The following DTNA variants were observed in gnomAD, a reference collection of about 807,000 sequenced individuals.
DTNA encodes the protein dystrophin-related protein 3.
In DTNA, 43 loss-of-function variants were observed where a neutral mutation model predicts 100.7. The ratio of observed to expected loss-of-function variants is 0.43; its 90% confidence interval spans 0.33 to 0.55. The LOEUF (loss-of-function observed/expected upper bound fraction) is 0.55. Ranked by LOEUF, DTNA falls within the 20% of genes least tolerant of loss-of-function variation. The pLI is 0.04. For missense variants in DTNA, 798 were observed against 953.9 expected (o/e 0.84, Z 2.15); for synonymous variants, 349 against 347.9 (o/e 1.00, Z -0.04).
At chr18:34,781,524 C>T (rs2094322189) in intron 3 of DTNA, among the ~76,000 whole-genome samples, 1 of 152,020 alleles carries the variant, frequency 6.6e-6, no homozygotes, top group South Asian at 2.1e-4. Flanking sequence ...AAGATACACT[C>T]CTCATGTTCT....
chr18:34,581,118 G>T (rs747998088), intron 1 of DTNA, among the ~76,000 whole-genome samples: 1 of 152,104 alleles, frequency 6.6e-6, no homozygotes, highest in Admixed American at 6.5e-5. Context: ...GTGTGGTGGC[G>T]TGCGCCTGTA....
chr18:34,732,167 C>T (rs1033508728), intron 1 of DTNA, among the ~76,000 whole-genome samples: 3 of 152,170 alleles, frequency 2.0e-5, no homozygotes, highest in African/African-American at 7.2e-5. Flanking sequence ...GTGAAACCTA[C>T]CTTACCCATA....
chr18:34,523,860 T>A (rs182046254), intron 1 of DTNA, among the ~76,000 whole-genome samples: 1 of 152,326 alleles, frequency 6.6e-6, no homozygotes, highest in Admixed American at 6.5e-5. Flanking sequence ...CTTTCTATTT[T>A]TGATTTTGCT....
rs548001235 is a variant in DTNA, at chr18:34,532,169, A to C, written c.-2+38655A>C. 3.3e-5 allele frequency among the ~76,000 whole-genome samples: 5 copies of C among 152,284 alleles called. No homozygotes were observed. In the East Asian group the frequency reaches 9.7e-4, roughly 30 times the overall value. ...ATGGGAGAGAAAGATGTATGCATAG[A>C]TTAGTTTAAAACAGGGCACACTGGT... On this transcript the variant is annotated intron_variant, in intron 1 of 19. Coordinates refer to the DTNA transcript ENST00000283365.
chr18:34,838,352 A>C (rs556372632), intron 12 of DTNA, among the ~76,000 whole-genome samples, 181 bp downstream of exon 12: 1 of 152,292 alleles, frequency 6.6e-6, no homozygotes, highest in African/African-American at 2.4e-5. Flanking sequence ...GTTGTTATTC[A>C]CTTTCCCGAA....
At chr18:34,877,242 G>A (rs577344579) in intron 18 of DTNA, among the ~76,000 whole-genome samples, 2 of 152,292 alleles carry the variant, frequency 1.3e-5, no homozygotes, top group East Asian at 1.9e-4. Context: ...AGGAGACAGC[G>A]CATGTCCTAG....
intron 5 of DTNA, among the ~76,000 whole-genome samples, 160 bp downstream of exon 5, chr18:34,806,464 C>T (rs192732770): frequency 3.9e-5 from 6 of 152,184 alleles, no homozygotes; most frequent in East Asian, 1.9e-4. Context: ...TTTGTCATAG[C>T]GATATTTTCA....
intron 20 of DTNA, 139 bp downstream of exon 20, chr18:34,879,858 T>A: frequency 9.2e-7 from 1 of 1,082,026 alleles, no homozygotes; most frequent in Non-Finnish European, 1.3e-6. Context: ...GCCAGAGATA[T>A]AGAAGGGTGC....
At chr18:34,568,202 G>A (rs527895088) in intron 1 of DTNA, among the ~76,000 whole-genome samples, 1 of 152,126 alleles carries the variant, frequency 6.6e-6, no homozygotes, top group East Asian at 1.9e-4. Flanking sequence ...GTTTATCTAT[G>A]ATAAGTCAAG....
chr18:34,524,448 T>C (rs911882062), intron 1 of DTNA, among the ~76,000 whole-genome samples: 3 of 152,152 alleles, frequency 2.0e-5, no homozygotes, highest in Non-Finnish European at 4.4e-5. Context: ...TTTTCCAGTC[T>C]TGAGAACCAA....
intron 1 of DTNA, among the ~76,000 whole-genome samples, chr18:34,695,066 A>G (rs2145964255): frequency 6.6e-6 from 1 of 152,294 alleles, no homozygotes; most frequent in East Asian, 1.9e-4. Context: ...ATTTGCAGAC[A>G]TTAAGTACAA....
rs12605993 is a variant in DTNA, at chr18:34,738,147, C to G, written c.-1-17829C>G. On this transcript the variant is annotated intron_variant, in intron 1 of 22. Coordinates refer to ENST00000444659, the MANE Select transcript of DTNA (RefSeq NM_001386795.1). ...GCCCTGAGGCACATATGAGTGAACA[C>G]AGAGACATGGGCCTGGGGGCCAGGT... 4.8e-3 allele frequency among the ~76,000 whole-genome samples: 725 copies of G among 152,206 alleles called. 18 individuals carry two copies. The highest frequency in any genetic ancestry group is 0.038 in the Admixed American group (584 of 15,288).
chr18:34,818,284 G>A lies in DTNA; in HGVS notation c.830G>A (p.Gly277Asp). 1 of 1,614,056 alleles carries A rather than the reference G, an allele frequency of 6.2e-7. No individual in the cohort carries two copies. The highest frequency in any genetic ancestry group is 8.5e-7 in the Non-Finnish European group (1 of 1,179,966). The change falls in exon 8 of 23, where the codon GGT becomes GAT. Residue 277 changes from glycine (G) to aspartate (D), a missense_variant. By Grantham distance (94) the Gly-to-Asp change is moderately conservative. This residue lies in a region of DTNA where 81 missense variants were observed against 153.5 expected (regional missense o/e 0.53). Coordinates refer to ENST00000444659, the MANE Select transcript of DTNA (RefSeq NM_001386795.1). Reference protein sequence around the residue: ...CQDCFWRGHAGGSHSNQHQMK... With the variant: ...CQDCFWRGHADGSHSNQHQMK... ...GACTGCTTCTGGAGGGGACATGCCG[G>A]TGGTTCTCATAGCAACCAGCACCAA...
At chr18:34,766,176 G>T in intron 3 of DTNA, 135 bp downstream of exon 3, 1 of 1,028,154 alleles carries the variant, frequency 9.7e-7, no homozygotes. Context: ...AATAAAAGGG[G>T]TATTATGAGG....
At chr18:34,753,604 G>A (rs1212466426) in intron 1 of DTNA, among the ~76,000 whole-genome samples, 4 of 140,840 alleles carry the variant, frequency 2.8e-5, no homozygotes, top group Non-Finnish European at 3.0e-5. Context: ...GGATGGTCTC[G>A]ATCTCCTGAC....
At chr18:34,797,622 T>C (rs1429314203) in intron 4 of DTNA, among the ~76,000 whole-genome samples, 1 of 152,234 alleles carries the variant, frequency 6.6e-6, no homozygotes, top group African/African-American at 2.4e-5. Context: ...TTGTTCTTAT[T>C]ATTTTGTAGG....
At chr18:34,638,871 C>T (rs981645145) in intron 1 of DTNA, among the ~76,000 whole-genome samples, 6 of 152,072 alleles carry the variant, frequency 3.9e-5, no homozygotes, top group African/African-American at 7.2e-5. Flanking sequence ...AGTGGAGTTT[C>T]GCTCTTGCTG....
intron 14 of DTNA, among the ~76,000 whole-genome samples, chr18:34,848,827 G>T (rs1304297685): frequency 6.6e-6 from 1 of 152,196 alleles, no homozygotes; most frequent in Non-Finnish European, 1.5e-5. Flanking sequence ...TAAGACAAAA[G>T]CAACTGTCAG....
chr18:34,633,569 C>T (rs539659242), intron 1 of DTNA, among the ~76,000 whole-genome samples: 47 of 152,114 alleles, frequency 3.1e-4, no homozygotes, highest in African/African-American at 1.1e-3. Flanking sequence ...TGGCAGAGGG[C>T]CAGGTGGTAT....
Sources: allele counts gnomAD v4.1 joint callset (sites outside exome capture counted in the v4.1 genomes callset), GRCh38; gene constraint gnomAD v4.1.1; regional missense constraint gnomAD v4.1.1; transcripts MANE v1.5; gene names NCBI Gene and HGNC (gene_info 2026-07-23, HGNC 2026-07-21).